The following CDIN1 variants were observed in gnomAD, a reference collection of about 807,000 sequenced individuals.
CDIN1 encodes the protein CDAN1-interacting nuclease 1.
CDIN1 carries 33 observed loss-of-function variants against 45.3 expected under a neutral mutation model. The observed-to-expected ratio is 0.73, with a 90% CI of 0.55 to 0.97. The LOEUF (loss-of-function observed/expected upper bound fraction) is 0.97, where lower values mean the gene tolerates loss of function less well. Ranked by LOEUF, CDIN1 falls within the 50% of genes least tolerant of loss-of-function variation. CDIN1 has a pLI of 0.00. For missense variants in CDIN1, 303 were observed against 339.4 expected (o/e 0.89, Z 0.84); for synonymous variants, 118 against 124.4 (o/e 0.95, Z 0.34).
At chr15:36,678,721 A>T (rs1349756606) in intron 5 of CDIN1, among the ~76,000 whole-genome samples, 1 of 152,062 alleles carries the variant, frequency 6.6e-6, no homozygotes, top group Non-Finnish European at 1.5e-5. Context: ...CCTATTTGAG[A>T]TCTTAGATTA....
chr15:36,757,678 A>G (rs1363989941), intron 10 of CDIN1, among the ~76,000 whole-genome samples: 2 of 151,982 alleles, frequency 1.3e-5, no homozygotes, highest in African/African-American at 4.8e-5. Flanking sequence ...TAGCAGCCAC[A>G]TCTTCTGCTC....
At chr15:36,695,161 T>C (rs1224488234) in intron 7 of CDIN1, among the ~76,000 whole-genome samples, 1 of 152,198 alleles carries the variant, frequency 6.6e-6, no homozygotes, top group Non-Finnish European at 1.5e-5. Context: ...ATTTAAACCA[T>C]ATTCACCTGT....
chr15:36,618,866 T>C lies in CDIN1; in HGVS notation c.102-25412T>C, dbSNP rs2039021782. 7.0e-5 allele frequency: 69 copies of C among 981,732 alleles called. 3 individuals carry two copies. In the South Asian group the frequency reaches 8.8e-4, roughly 13 times the overall value. 60.8% of individuals were successfully genotyped at this position (981,732 alleles called of 1,614,324 possible). Reference sequence around the variant, plus strand: ...TTCTCCTCCAAGTACTACAAAGCCATGGAGGGCAAGTACTGCCTCACCATG... The same window carrying C: ...TTCTCCTCCAAGTACTACAAAGCCACGGAGGGCAAGTACTGCCTCACCATG... On this transcript the variant is annotated intron_variant, in intron 1 of 10. Coordinates refer to ENST00000566621, the MANE Select transcript of CDIN1 (RefSeq NM_001321759.2).
intron 10 of CDIN1, among the ~76,000 whole-genome samples, chr15:36,778,830 TA>T (rs1201230850): frequency 2.0e-5 from 3 of 152,186 alleles, no homozygotes; most frequent in Admixed American, 1.3e-4. Flanking sequence ...AATAAAAATA[TA>T]AAATGCTGAA....
intron 10 of CDIN1, among the ~76,000 whole-genome samples, chr15:36,749,765 T>C (rs2053408786): frequency 6.6e-6 from 1 of 152,100 alleles, no homozygotes; most frequent in Non-Finnish European, 1.5e-5. Context: ...AAGTGTTCTT[T>C]TTTCACGCTG....
At chr15:36,640,715 A>T in intron 1 of CDIN1, 5 of 860,304 alleles carry the variant, frequency 5.8e-6, no homozygotes, top group Non-Finnish European at 7.0e-6. Flanking sequence ...CCTTGCATGA[A>T]TGTTGCATTG....
chr15:36,642,180 A>G (rs2140396440), intron 1 of CDIN1, among the ~76,000 whole-genome samples: 1 of 152,262 alleles, frequency 6.6e-6, no homozygotes, highest in Non-Finnish European at 1.5e-5. Context: ...AATAATATAC[A>G]CTGAAGTCAA....
chr15:36,614,196 T>G, intron 1 of CDIN1: 1 of 661,292 alleles, frequency 1.5e-6, no homozygotes, highest in Non-Finnish European at 2.8e-6. Context: ...CTGAATGAGC[T>G]GTAGAATGCC....
At chr15:36,788,844 C>A (rs2054574672) in intron 10 of CDIN1, among the ~76,000 whole-genome samples, 2 of 152,094 alleles carry the variant, frequency 1.3e-5, no homozygotes, top group South Asian at 4.1e-4. Context: ...TTAGTAAACT[C>A]TGAACAAGAA....
At chr15:36,626,804 G>A (rs1386351754) in intron 1 of CDIN1, 1 of 285,370 alleles carries the variant, frequency 3.5e-6, no homozygotes, top group African/African-American at 2.3e-5. Context: ...GGTTGCTATA[G>A]TGGAAGTGGG....
chr15:36,709,356 G>A (rs2042976287), intron 9 of CDIN1, 68 bp downstream of exon 9: 3 of 1,174,354 alleles, frequency 2.6e-6, no homozygotes, highest in Non-Finnish European at 3.6e-6. Context: ...ATTTTTTTAT[G>A]TTAATATTAG....
chr15:36,774,133 G>GGTGTGT (rs761451923), intron 10 of CDIN1, among the ~76,000 whole-genome samples: 1,896 of 138,790 alleles, frequency 0.014, 28 homozygotes, highest in African/African-American at 0.042. Context: ...AACTGACAGG[G>GGTGTGT]GTGTGTGTGT....
chr15:36,740,075 G>A (rs145315572), intron 10 of CDIN1, among the ~76,000 whole-genome samples: 5 of 152,270 alleles, frequency 3.3e-5, no homozygotes, highest in South Asian at 2.1e-4. Flanking sequence ...AAGTTGGGGG[G>A]TTGAATAATT....
chr15:36,682,611 A>AC (rs1595464838), intron 5 of CDIN1, among the ~76,000 whole-genome samples: 1 of 150,840 alleles, frequency 6.6e-6, no homozygotes, highest in Admixed American at 6.6e-5. Flanking sequence ...AAAAAAAAAA[A>AC]ACAAAAATTA....
intron 1 of CDIN1, among the ~76,000 whole-genome samples, chr15:36,637,443 T>C (rs1477891292): frequency 1.3e-5 from 2 of 151,912 alleles, no homozygotes; most frequent in Non-Finnish European, 2.9e-5. Context: ...ACAAGGAAAA[T>C]GAAAAGGCAA....
At chr15:36,772,593 A>C (rs1471579645) in intron 10 of CDIN1, among the ~76,000 whole-genome samples, 1 of 152,206 alleles carries the variant, frequency 6.6e-6, no homozygotes, top group African/African-American at 2.4e-5. Context: ...TGTTCATCTC[A>C]GCAGGGACCA....
intron 10 of CDIN1, among the ~76,000 whole-genome samples, chr15:36,739,048 A>G (rs1454853208): frequency 6.6e-6 from 1 of 152,206 alleles, no homozygotes; most frequent in African/African-American, 2.4e-5. Flanking sequence ...TACAAATCTA[A>G]TATATATGCC....
rs1595427722 is a variant in CDIN1, at chr15:36,654,032, G to C, written c.213-66G>C. 1.8e-5 allele frequency: 21 copies of C among 1,186,502 alleles called. No individual in the cohort carries two copies. The East Asian group carries it at 5.4e-4, about 30-fold the overall frequency. The allele number at this position is 1,186,502 out of a possible 1,614,324, so 73.5% of individuals were successfully genotyped here. On this transcript the variant is annotated intron_variant, in intron 3 of 10. Coordinates refer to ENST00000566621, the MANE Select transcript of CDIN1 (RefSeq NM_001321759.2). ...AGGAGAAACATGTATACACACAGGG[G>C]ATGCTGACAAGTCTATGCTGGCCTT...
chr15:36,745,801 A>C (rs560254868), intron 10 of CDIN1, among the ~76,000 whole-genome samples: 15 of 152,206 alleles, frequency 9.9e-5, no homozygotes, highest in African/African-American at 3.1e-4. Context: ...CCCTGTCTCT[A>C]CTAAAAATGC....
Sources: allele counts gnomAD v4.1 joint callset (sites outside exome capture counted in the v4.1 genomes callset), GRCh38; gene constraint gnomAD v4.1.1; transcripts MANE v1.5; gene names NCBI Gene and HGNC (gene_info 2026-07-23, HGNC 2026-07-21).